PTPRK: variants seen among roughly 807,000 people sequenced by gnomAD.
The protein encoded by PTPRK is protein tyrosine phosphatase receptor type K.
PTPRK carries 75 observed loss-of-function variants against 178.0 expected under a neutral mutation model. The observed-to-expected ratio is 0.42, with a 90% CI of 0.35 to 0.51. PTPRK has a LOEUF of 0.51. PTPRK is among the 20% of genes least tolerant of loss of function. The probability of loss-of-function intolerance (pLI) is 0.02; values close to 1 mark genes in which losing one functional copy is unlikely to be tolerated. For missense variants in PTPRK, 1,441 were observed against 1,797.8 expected (o/e 0.80, Z 3.59); for synonymous variants, 637 against 620.6 (o/e 1.03, Z -0.39).
intron 2 of PTPRK, among the ~76,000 whole-genome samples, chr6:128,363,251 G>A (rs933245938): frequency 2.0e-5 from 3 of 151,964 alleles, no homozygotes; most frequent in African/African-American, 4.8e-5. Context: ...ATAAGGCTTC[G>A]GAACACCCAT....
At chr6:128,370,264 A>T (rs1417266718) in intron 2 of PTPRK, among the ~76,000 whole-genome samples, 1 of 152,150 alleles carries the variant, frequency 6.6e-6, no homozygotes, top group Non-Finnish European at 1.5e-5. Context: ...CCACCAGGGC[A>T]TCCCTGTTAT....
chr6:128,232,887 T>A (rs1031790116), intron 5 of PTPRK, among the ~76,000 whole-genome samples: 1 of 152,226 alleles, frequency 6.6e-6, no homozygotes, highest in African/African-American at 2.4e-5. Flanking sequence ...TTTTATTATA[T>A]TGCATTGCAT....
chr6:128,337,614 G>A (rs1584237835), intron 2 of PTPRK, among the ~76,000 whole-genome samples: 1 of 152,176 alleles, frequency 6.6e-6, no homozygotes, highest in Non-Finnish European at 1.5e-5. Flanking sequence ...GAAAACCCAT[G>A]AGGATGAATC....
At chr6:127,990,947 T>C (rs1776538557) in intron 20 of PTPRK, 62 bp from the exon 21 acceptor site, 3 of 1,006,580 alleles carry the variant, frequency 3.0e-6, no homozygotes, top group Non-Finnish European at 4.5e-6. Context: ...GCCAAGGTGA[T>C]TTAATTCCAG....
Position 128,218,987 on chromosome 6 carries a change from T to A in PTPRK, c.803A>T (p.Tyr268Phe), listed in dbSNP as rs1192439578. 1 of 1,614,124 alleles carries A rather than the reference T, an allele frequency of 6.2e-7. No homozygotes were observed. Among genetic ancestry groups the A allele is most frequent in the Non-Finnish European group, 8.5e-7 (1 of 1,179,970 alleles). ...QEVTKTDQDLYRCVTQSERGS... is the reference protein window; with the variant it reads ...QEVTKTDQDLFRCVTQSERGS... Reference sequence around the variant, plus strand: ...TCGTTCTGACTGAGTTACACAGCGATACAAATCCTGGTCAGTTTTTGTCAC... The same window carrying A: ...TCGTTCTGACTGAGTTACACAGCGAAACAAATCCTGGTCAGTTTTTGTCAC... Residue 268 changes from tyrosine to phenylalanine, a missense_variant, in exon 6 of 30, where the codon TAT (tyrosine) becomes TTT (phenylalanine). By Grantham distance (22) the Tyr-to-Phe change is conservative. Transcript: ENST00000368226.
chr6:128,403,744 G>A (rs1040636415), intron 1 of PTPRK, among the ~76,000 whole-genome samples: 2 of 152,134 alleles, frequency 1.3e-5, no homozygotes, highest in Non-Finnish European at 2.9e-5. Flanking sequence ...TAGTTTATAT[G>A]AAGGCAATAT....
chr6:128,323,788 A>C (rs906737452), intron 2 of PTPRK, among the ~76,000 whole-genome samples: 1 of 151,750 alleles, frequency 6.6e-6, no homozygotes, highest in African/African-American at 2.4e-5. Context: ...ATTATTGTTC[A>C]CTTCTTTTTC....
chr6:128,370,960 T>C (rs972668700), intron 2 of PTPRK, among the ~76,000 whole-genome samples: 2 of 152,198 alleles, frequency 1.3e-5, no homozygotes, highest in Non-Finnish European at 2.9e-5. Context: ...CTTGTGGCTA[T>C]TGTTTCACTA....
intron 1 of PTPRK, among the ~76,000 whole-genome samples, chr6:128,513,701 T>C (rs891341448): frequency 7.9e-5 from 12 of 152,244 alleles, no homozygotes; most frequent in Non-Finnish European, 1.6e-4. Flanking sequence ...TCAAATCACC[T>C]GGGGATTTCA....
At chr6:128,518,892 G>A in intron 1 of PTPRK, 3 of 437,920 alleles carry the variant, frequency 6.9e-6, no homozygotes, top group Middle Eastern at 3.5e-4. Flanking sequence ...TGGGGCGGGG[G>A]TAGGAGAGCA....
intron 11 of PTPRK, 36 bp from the exon 12 acceptor site, chr6:128,067,828 T>C (rs1582831918): frequency 6.6e-7 from 1 of 1,506,358 alleles, no homozygotes; most frequent in Non-Finnish European, 8.9e-7. Context: ...CACATATATA[T>C]ACACACATAT....
At chr6:128,210,159 G>A (rs1276370135) in intron 6 of PTPRK, among the ~76,000 whole-genome samples, 2 of 151,954 alleles carry the variant, frequency 1.3e-5, no homozygotes, top group African/African-American at 4.8e-5. Context: ...AGAAAAGTGT[G>A]GGGCATTCAA....
At chr6:128,331,667 G>A (rs1225650760) in intron 2 of PTPRK, among the ~76,000 whole-genome samples, 2 of 152,078 alleles carry the variant, frequency 1.3e-5, no homozygotes, top group African/African-American at 4.8e-5. Flanking sequence ...TTCTAATGAG[G>A]TCTATCCCCT....
At chr6:128,439,622 C>T (rs1408565150) in intron 1 of PTPRK, among the ~76,000 whole-genome samples, 7 of 152,086 alleles carry the variant, frequency 4.6e-5, no homozygotes, top group South Asian at 2.1e-4. Flanking sequence ...TAAAGCCTAC[C>T]GATTACAATG....
chr6:128,500,318 A>C (rs762505139), intron 1 of PTPRK, among the ~76,000 whole-genome samples: 72 of 152,216 alleles, frequency 4.7e-4, no homozygotes, highest in South Asian at 2.5e-3. Context: ...ATGCTCTAAA[A>C]ATGGGTCATC....
intron 3 of PTPRK, among the ~76,000 whole-genome samples, chr6:128,243,488 T>TAAAAAAAAAAAAAAAAAAAAAAAAAA (rs760606919): frequency 1.7e-5 from 1 of 59,136 alleles, no homozygotes; most frequent in Non-Finnish European, 3.7e-5. Flanking sequence ...AGCCTGTCGC[T>TAAAAAAAAAAAAAAAAAAAAAAAAAA]AAAAAAAAAA....
chr6:128,506,659 C>CAAA (rs60473661), intron 1 of PTPRK, among the ~76,000 whole-genome samples: 2,276 of 52,982 alleles, frequency 0.043, 43 homozygotes, highest in African/African-American at 0.066. Context: ...AACTCTGTCT[C>CAAA]AAAAAAAAAA....
intron 3 of PTPRK, among the ~76,000 whole-genome samples, chr6:128,297,292 C>T (rs1370198296): frequency 1.3e-5 from 2 of 152,126 alleles, no homozygotes; most frequent in African/African-American, 4.8e-5. Context: ...TTTAACACCC[C>T]ACTGTCAACA....
At chr6:128,054,020 T>C (rs1433840199) in intron 13 of PTPRK, among the ~76,000 whole-genome samples, 1 of 152,254 alleles carries the variant, frequency 6.6e-6, no homozygotes, top group African/African-American at 2.4e-5. Context: ...ATGTTACATA[T>C]AGCTGGGATT....
Sources: allele counts gnomAD v4.1 joint callset (sites outside exome capture counted in the v4.1 genomes callset), GRCh38; gene constraint gnomAD v4.1.1; transcripts MANE v1.5; gene names NCBI Gene and HGNC (gene_info 2026-07-23, HGNC 2026-07-21).